Variants in DIP2B observed in about 807,000 individuals in gnomAD.
DIP2B encodes DIP2 acetate--CoA ligase B (putative), also known as disco-interacting protein 2 homolog B.
Under a neutral mutation model 198.0 loss-of-function variants are expected in DIP2B, and 76 were observed. The observed-to-expected ratio is 0.38, with a 90% confidence interval of 0.32 to 0.46. The LOEUF (loss-of-function observed/expected upper bound fraction) is 0.46, where lower values mean the gene tolerates loss of function less well. Among genes scored for constraint, DIP2B ranks in the 20% least tolerant of loss-of-function variants. The pLI is 0.99. For missense variants in DIP2B, 1,559 were observed against 1,978.4 expected (o/e 0.79, Z 4.02); for synonymous variants, 701 against 739.1 (o/e 0.95, Z 0.84).
At chr12:50,617,897 A>T (rs1379100626) in intron 1 of DIP2B, among the ~76,000 whole-genome samples, 2 of 152,218 alleles carry the variant, frequency 1.3e-5, no homozygotes, top group Non-Finnish European at 2.9e-5. Context: ...TTCGAAAGTC[A>T]TCTGTATTTT....
intron 8 of DIP2B, 68 bp from the exon 9 acceptor site, chr12:50,680,604 G>A (rs1592124740): frequency 7.1e-7 from 1 of 1,412,954 alleles, no homozygotes. Flanking sequence ...TGATCTGAAT[G>A]TTCTTTCATT....
chr12:50,708,088 C>T lies in DIP2B; in HGVS notation c.2535-360C>T, dbSNP rs564202057. On this transcript the variant is annotated intron_variant, in intron 21 of 37. Transcript: ENST00000301180. The stretch of plus-strand genomic sequence containing the variant: ...GTCCGCTCCTCAGGGAGGCGCCCCC[C>T]GAGCCACCCTGCCCTCAGTAATACG... Among the ~76,000 whole-genome samples, 6 of 152,216 alleles carry T rather than the reference C, an allele frequency of 3.9e-5. No individual in the cohort carries two copies. The South Asian group carries it at 1.2e-3, about 32-fold the overall frequency.
chr12:50,660,351 G>C (rs770241507), intron 4 of DIP2B, 32 bp downstream of exon 4: 11 of 1,569,748 alleles, frequency 7.0e-6, no homozygotes, highest in Admixed American at 1.9e-5. Context: ...CTCTCTGACA[G>C]TTAATACCTT....
intron 1 of DIP2B, among the ~76,000 whole-genome samples, chr12:50,562,385 T>G (rs544257357): frequency 6.6e-6 from 1 of 152,244 alleles, no homozygotes; most frequent in South Asian, 2.1e-4. Flanking sequence ...TTTCCTATCT[T>G]ATTTCAGCAA....
chr12:50,590,749 A>AGT (rs1478704908), intron 1 of DIP2B, among the ~76,000 whole-genome samples: 1 of 152,212 alleles, frequency 6.6e-6, no homozygotes, highest in Non-Finnish European at 1.5e-5. Flanking sequence ...ATGTTTAAAA[A>AGT]CAAACAAGAA....
At chr12:50,665,680 G>T (rs903559038) in intron 4 of DIP2B, among the ~76,000 whole-genome samples, 1 of 151,712 alleles carries the variant, frequency 6.6e-6, no homozygotes, top group Non-Finnish European at 1.5e-5. Context: ...AGCCACTCAG[G>T]AGGCTGAGGT....
chr12:50,567,823 C>T (rs184926591), intron 1 of DIP2B, among the ~76,000 whole-genome samples: 49 of 152,302 alleles, frequency 3.2e-4, no homozygotes, highest in Non-Finnish European at 5.3e-4. Context: ...CCATCGTGCC[C>T]GGCCTAAAAT....
At chr12:50,597,290 T>TA (rs1280961435) in intron 1 of DIP2B, among the ~76,000 whole-genome samples, 1 of 152,226 alleles carries the variant, frequency 6.6e-6, no homozygotes, top group Non-Finnish European at 1.5e-5. Flanking sequence ...TTAAATCATT[T>TA]AAAAAATATT....
At chr12:50,588,182 C>T (rs1958787175) in intron 1 of DIP2B, among the ~76,000 whole-genome samples, 1 of 151,240 alleles carries the variant, frequency 6.6e-6, no homozygotes. Context: ...GAGACAGTCT[C>T]ACTCTGTTGC....
chr12:50,702,168 A>G (rs1478413208), intron 19 of DIP2B, among the ~76,000 whole-genome samples: 1 of 151,966 alleles, frequency 6.6e-6, no homozygotes, highest in Non-Finnish European at 1.5e-5. Context: ...TGAATGGTGA[A>G]GCCCCGTCTC....
chr12:50,574,305 C>G (rs568918498), intron 1 of DIP2B, among the ~76,000 whole-genome samples: 1 of 152,190 alleles, frequency 6.6e-6, no homozygotes, highest in Non-Finnish European at 1.5e-5. Flanking sequence ...CTTCTCCACA[C>G]GGGTTCTGGA....
chr12:50,719,928 AATAT>A (rs1939803948), intron 25 of DIP2B, among the ~76,000 whole-genome samples: 2 of 147,704 alleles, frequency 1.4e-5, no homozygotes, highest in African/African-American at 4.9e-5. Flanking sequence ...TAAAGAAAAA[AATAT>A]ATATATGTAT....
chr12:50,651,230 C>T (rs1214128519), intron 3 of DIP2B, among the ~76,000 whole-genome samples: 1 of 152,098 alleles, frequency 6.6e-6, no homozygotes, highest in Non-Finnish European at 1.5e-5. Flanking sequence ...TGGATATTAA[C>T]GCCCTACCCA....
chr12:50,697,216 A>G (rs371986186), intron 17 of DIP2B, 41 bp downstream of exon 17: 22 of 1,571,648 alleles, frequency 1.4e-5, no homozygotes, highest in Non-Finnish European at 1.9e-5. Flanking sequence ...GTATGTTACA[A>G]CTTGGATGAA....
intron 7 of DIP2B, among the ~76,000 whole-genome samples, chr12:50,676,904 G>A (rs1274635563): frequency 6.6e-6 from 1 of 152,146 alleles, no homozygotes; most frequent in Non-Finnish European, 1.5e-5. Context: ...AATGTACAAA[G>A]CAGAAGGGCA....
chr12:50,708,374 G>C, intron 21 of DIP2B, 74 bp from the exon 22 acceptor site: 3 of 1,388,218 alleles, frequency 2.2e-6, no homozygotes, highest in South Asian at 2.5e-5. Context: ...TCTCCTCTCT[G>C]TAATTCCAGT....
At chr12:50,550,822 A>G (rs753410709) in intron 1 of DIP2B, among the ~76,000 whole-genome samples, 56 of 152,200 alleles carry the variant, frequency 3.7e-4, no homozygotes, top group Non-Finnish European at 4.7e-4. Context: ...AAGGTTTATC[A>G]GTAGTATTTC....
chr12:50,605,373 G>A (rs750713022), intron 1 of DIP2B, among the ~76,000 whole-genome samples: 6 of 152,116 alleles, frequency 3.9e-5, no homozygotes, highest in Non-Finnish European at 7.3e-5. Context: ...TTGTAGGCCA[G>A]AAGTTTGAGA....
chr12:50,510,435 T>C (rs1173346125), intron 1 of DIP2B, among the ~76,000 whole-genome samples: 4 of 152,196 alleles, frequency 2.6e-5, no homozygotes, highest in Non-Finnish European at 5.9e-5. Context: ...GGTTACAACT[T>C]TCTGTCCTAG....
Sources: allele counts gnomAD v4.1 joint callset (sites outside exome capture counted in the v4.1 genomes callset), GRCh38; gene constraint gnomAD v4.1.1; transcripts MANE v1.5; gene names NCBI Gene and HGNC (gene_info 2026-07-23, HGNC 2026-07-21).